DNM3: variants seen among roughly 807,000 people sequenced by gnomAD.
DNM3 encodes the protein dynamin 3, also known as dynamin-3.
In DNM3, 47 loss-of-function variants were observed where a neutral mutation model predicts 101.6. The observed-to-expected ratio is 0.46, with a 90% CI of 0.37 to 0.59. The LOEUF is 0.59. DNM3 is among the 20% of genes least tolerant of loss of function. The pLI is 0.00. For missense variants in DNM3, 849 were observed against 1,085.7 expected (o/e 0.78, Z 3.06); for synonymous variants, 385 against 387.9 (o/e 0.99, Z 0.09).
At chr1:172,092,356 T>C (rs1057431191) in intron 12 of DNM3, among the ~76,000 whole-genome samples, 6 of 152,228 alleles carry the variant, frequency 3.9e-5, no homozygotes, top group African/African-American at 1.4e-4. Context: ...ACTTATTAGC[T>C]GAGTGATTTT....
Position 172,412,577 on chromosome 1 carries a change from A to C in DNM3, c.*4736A>C, listed in dbSNP as rs1004629742. The C allele has an allele frequency of 1.0e-6, 1 of 985,698 alleles. No individual in the cohort carries two copies. The highest frequency in any genetic ancestry group is 1.2e-6 in the Non-Finnish European group (1 of 829,924). The allele number at this position is 985,698 out of a possible 1,614,324, so 61.1% of individuals were successfully genotyped here. Reference sequence around the variant, plus strand: ...CTTCTTGGCACTTTCAGGATTTCTTAATGCTGATATATGGACTCTTAGAAT... The same window carrying C: ...CTTCTTGGCACTTTCAGGATTTCTTCATGCTGATATATGGACTCTTAGAAT... On this transcript the variant is annotated 3_prime_UTR_variant, in exon 21 of 21. Coordinates refer to ENST00000627582, the MANE Select transcript of DNM3 (RefSeq NM_015569.5).
chr1:172,034,447 A>G (rs1022472726), intron 6 of DNM3, among the ~76,000 whole-genome samples: 2 of 152,118 alleles, frequency 1.3e-5, no homozygotes, highest in African/African-American at 4.8e-5. Context: ...TCTCAGAGGA[A>G]ACTCACTAAT....
chr1:172,038,032 T>C (rs114433082), intron 6 of DNM3, among the ~76,000 whole-genome samples: 2,768 of 152,272 alleles, frequency 0.018, 26 homozygotes, highest in Non-Finnish European at 0.025. Flanking sequence ...GCAGCCTCAT[T>C]AGTAACATTA....
chr1:172,252,409 C>T (rs2062208703), intron 14 of DNM3, among the ~76,000 whole-genome samples: 1 of 152,122 alleles, frequency 6.6e-6, no homozygotes, highest in Admixed American at 6.6e-5. Context: ...TGCAGCTGAG[C>T]TACAAATTCT....
Position 172,044,432 on chromosome 1 carries a change from C to A in DNM3, c.1176C>A (p.Ile392=), listed in dbSNP as rs771503830. ...TGCGAAGAGAAATAAGCTATGCAAT[C>A]AAAAACATACATGGTATCAGGCAAG... ...KELRREISYA[I]KNIHGIRTGL... Residue 392 remains isoleucine, a synonymous_variant, in exon 9 of 21, where the codon ATC becomes ATA. Transcript: ENST00000627582. The A allele has an allele frequency of 3.7e-6, 6 of 1,607,392 alleles. No individual in the cohort carries two copies. The Admixed American group carries it at 8.4e-5, about 23-fold the overall frequency.
At chr1:172,242,681 G>A (rs533329698) in intron 14 of DNM3, among the ~76,000 whole-genome samples, 7 of 152,256 alleles carry the variant, frequency 4.6e-5, no homozygotes, top group East Asian at 1.9e-4. Context: ...GGGCTCAAGC[G>A]ATCCTCCTGC....
chr1:172,119,801 C>T (rs949766745), intron 13 of DNM3, among the ~76,000 whole-genome samples: 3 of 152,304 alleles, frequency 2.0e-5, no homozygotes, highest in African/African-American at 7.2e-5. Flanking sequence ...TGTGCCTCAA[C>T]AGTCTGTTTA....
At chr1:172,035,111 A>C (rs1374206086) in intron 6 of DNM3, among the ~76,000 whole-genome samples, 1 of 152,094 alleles carries the variant, frequency 6.6e-6, no homozygotes, top group Non-Finnish European at 1.5e-5. Context: ...AATGTTCAGG[A>C]AAATTGAGGA....
chr1:172,405,773 C>A (rs975522496), intron 20 of DNM3, among the ~76,000 whole-genome samples: 2 of 151,960 alleles, frequency 1.3e-5, no homozygotes, highest in East Asian at 3.9e-4. Context: ...ATTTGACAAA[C>A]TCCCTGAGGG....
chr1:171,912,474 T>G (rs2039387481), intron 1 of DNM3, among the ~76,000 whole-genome samples: 1 of 152,222 alleles, frequency 6.6e-6, no homozygotes, highest in African/African-American at 2.4e-5. Flanking sequence ...AGTACAAGGC[T>G]GGTTCCAGTG....
chr1:172,130,948 G>T (rs2056904422), intron 13 of DNM3, among the ~76,000 whole-genome samples: 1 of 152,160 alleles, frequency 6.6e-6, no homozygotes, highest in African/African-American at 2.4e-5. Context: ...AACCATCGAT[G>T]AGTCTGAGAT....
intron 1 of DNM3, among the ~76,000 whole-genome samples, chr1:171,871,421 T>C (rs1414127166): frequency 6.6e-6 from 1 of 152,208 alleles, no homozygotes; most frequent in Non-Finnish European, 1.5e-5. Context: ...TGTTTCTGGA[T>C]AAAACAGGAT....
intron 17 of DNM3, among the ~76,000 whole-genome samples, chr1:172,332,121 A>G (rs1428233297): frequency 1.3e-5 from 2 of 152,214 alleles, no homozygotes; most frequent in Non-Finnish European, 2.9e-5. Context: ...GTGGAATGGA[A>G]CATTTAGTTT....
chr1:171,941,371 T>G (rs1394333363), intron 2 of DNM3, among the ~76,000 whole-genome samples: 1 of 152,162 alleles, frequency 6.6e-6, no homozygotes, highest in Non-Finnish European at 1.5e-5. Context: ...GCCAAATCCT[T>G]AAATACTTCC....
intron 4 of DNM3, among the ~76,000 whole-genome samples, chr1:172,020,680 C>T (rs4465243): frequency 0.35 from 49,250 of 142,382 alleles, 9,353 homozygotes; most frequent in Middle Eastern, 0.5. Flanking sequence ...GCCGAGATCA[C>T]GCCACTGCAC....
chr1:172,103,025 A>C (rs2147890118), intron 13 of DNM3, among the ~76,000 whole-genome samples: 1 of 152,308 alleles, frequency 6.6e-6, no homozygotes, highest in African/African-American at 2.4e-5. Context: ...TTGAATCTAT[A>C]ATTTTCAAGT....
At chr1:171,898,332 C>T (rs1209832203) in intron 1 of DNM3, among the ~76,000 whole-genome samples, 1 of 151,918 alleles carries the variant, frequency 6.6e-6, no homozygotes, top group African/African-American at 2.4e-5. Flanking sequence ...CCAGTATGTC[C>T]CTTTGCTGAC....
intron 1 of DNM3, among the ~76,000 whole-genome samples, chr1:171,875,228 C>A (rs557900578): frequency 3.3e-5 from 5 of 152,262 alleles, no homozygotes; most frequent in Non-Finnish European, 5.9e-5. Flanking sequence ...GTTTTAAGTT[C>A]TTTGAGAAAT....
rs572337312 is a variant in DNM3 at position 172,051,150 on chromosome 1, A to T, written c.1335+2400A>T. Among the ~76,000 whole-genome samples the T allele has an allele frequency of 3.3e-5, 5 of 152,314 alleles. No individual in the cohort carries two copies. The East Asian group carries it at 9.6e-4, about 29-fold the overall frequency. The stretch of plus-strand genomic sequence containing the variant: ...TAGCTTTCTTCAGTGAAGGATATTT[A>T]TTCCAGCCTAAACTGGAAAAATCTG... On this transcript the variant is annotated intron_variant, in intron 10 of 20. Transcript: ENST00000627582.
Sources: allele counts gnomAD v4.1 joint callset (sites outside exome capture counted in the v4.1 genomes callset), GRCh38; gene constraint gnomAD v4.1.1; transcripts MANE v1.5; gene names NCBI Gene and HGNC (gene_info 2026-07-23, HGNC 2026-07-21).